Variants in NARF observed in about 807,000 individuals in gnomAD.
The protein encoded by NARF is nuclear prelamin A recognition factor.
A neutral mutation model predicts 48.0 loss-of-function variants in NARF; 41 were observed. The ratio of observed to expected loss-of-function variants is 0.85; its 90% CI spans 0.66 to 1.11. The LOEUF (loss-of-function observed/expected upper bound fraction) is 1.11, where lower values mean the gene tolerates loss of function less well. NARF is among the 50% of genes least tolerant of loss of function. The pLI is 0.00. For synonymous variants in NARF, 215 were observed against 225.5 expected, an observed-to-expected ratio of 0.95 and a Z score of 0.42; for missense variants, 613 against 590.2, an observed-to-expected ratio of 1.04 and a Z score of -0.40.
At chr17:82,468,267 C>T (rs978121783) in intron 3 of NARF, among the ~76,000 whole-genome samples, 7 of 150,568 alleles carry the variant, frequency 4.6e-5, no homozygotes, top group East Asian at 3.9e-4. Context: ...GCTGAGATCG[C>T]GCCACTGTAC....
intron 5 of NARF, chr17:82,478,476 T>A (rs556339137): frequency 7.7e-4 from 345 of 446,234 alleles, no homozygotes; most frequent in Non-Finnish European, 1.1e-3. Context: ...CGGTGCAGCC[T>A]GGGCCGCTGC....
intron 8 of NARF, chr17:82,484,103 T>G: frequency 4.0e-6 from 1 of 247,412 alleles, no homozygotes; most frequent in Non-Finnish European, 7.9e-6. Flanking sequence ...AGCCCCCTTC[T>G]TCCTGAGTGC....
upstream of NARF, chr17:82,458,535 C>A: frequency 2.4e-6 from 1 of 408,260 alleles, no homozygotes; most frequent in Non-Finnish European, 4.3e-6. Flanking sequence ...TGCGGTCCGC[C>A]CCGCGCGCTC....
intron 10 of NARF, among the ~76,000 whole-genome samples, chr17:82,487,144 GT>G (rs1376595234): frequency 2.0e-5 from 3 of 152,330 alleles, no homozygotes; most frequent in Admixed American, 6.5e-5. Flanking sequence ...GGCAACTTAG[GT>G]TTTAGGTAAA....
chr17:82,473,661 G>A (rs979813935), intron 5 of NARF, among the ~76,000 whole-genome samples: 1 of 151,624 alleles, frequency 6.6e-6, no homozygotes, highest in Non-Finnish European at 1.5e-5. Context: ...AGGTTCAAGC[G>A]ATTCTTATGC....
At position 82,468,766 on chromosome 17, in the gene NARF, A is replaced by G. The variant is rs776999061; in HGVS notation, c.255A>G (p.Lys85=). ...DFFRVLNLNK[K]CDTSKHKVLV... ...ACATTCTCTATTTCTCCTTCTAGAA[A>G]TGTGATACCTCAAAGCACAAAGTGC... The change falls in exon 4 of 11, where the codon AAA becomes AAG. Residue 85 remains lysine, a splice_region_variant and synonymous_variant. Transcript: ENST00000309794. 1.2e-6 allele frequency: 2 copies of G among 1,613,430 alleles called. No individual in the cohort carries two copies. Among genetic ancestry groups the G allele is most frequent in the South Asian group, 1.1e-5 (1 of 90,762 alleles).
intron 4 of NARF, among the ~76,000 whole-genome samples, chr17:82,472,027 G>A (rs1599834181): frequency 6.6e-6 from 1 of 152,096 alleles, no homozygotes; most frequent in Non-Finnish European, 1.5e-5. Flanking sequence ...AATCATACAC[G>A]CTCATTGTTT....
chr17:82,481,061 A>G lies in NARF; in HGVS notation c.640-21A>G, dbSNP rs769203083. On this transcript the variant is annotated intron_variant, in intron 6 of 10. Coordinates refer to ENST00000309794, the MANE Select transcript of NARF (RefSeq NM_012336.4). Reference sequence around the variant, plus strand: ...CGTCACCTCTTCACCAGCCCTAAATATGGGTGCCCCTCTCCCACAGAACCT... The same window carrying G: ...CGTCACCTCTTCACCAGCCCTAAATGTGGGTGCCCCTCTCCCACAGAACCT... The G allele has an allele frequency of 3.7e-6, 6 of 1,613,432 alleles. No homozygotes were observed. In the African/African-American group the frequency reaches 6.7e-5, roughly 18 times the overall value.
intron 10 of NARF, among the ~76,000 whole-genome samples, chr17:82,486,276 C>T (rs2044093414): frequency 6.6e-6 from 1 of 152,178 alleles, no homozygotes; most frequent in Non-Finnish European, 1.5e-5. Flanking sequence ...CCCTCTGCCC[C>T]TGACCCATGG....
chr17:82,479,003 G>C, intron 6 of NARF, 85 bp downstream of exon 6: 1 of 1,299,560 alleles, frequency 7.7e-7, no homozygotes, highest in Non-Finnish European at 1.1e-6. Flanking sequence ...TTCCCCATCT[G>C]TCCAGCGTGG....
chr17:82,484,732 C>T, intron 8 of NARF, 81 bp from the exon 9 acceptor site: 1 of 1,467,310 alleles, frequency 6.8e-7, no homozygotes, highest in South Asian at 1.4e-5. Context: ...GATTGTGATG[C>T]CCTCAGGAAG....
chr17:82,483,890 C>T (rs1567945845), intron 8 of NARF, 111 bp downstream of exon 8: 1 of 946,424 alleles, frequency 1.1e-6, no homozygotes, highest in Non-Finnish European at 1.6e-6. Context: ...CCATGTGAAG[C>T]ACTGCGATGC....
At chr17:82,487,788 C>CCAAATAA in intron 10 of NARF, 128 bp from the exon 11 acceptor site, 1 of 759,778 alleles carries the variant, frequency 1.3e-6, no homozygotes, top group East Asian at 3.4e-5. Context: ...CCCTCCCGCC[C>CCAAATAA]AATCTCTACA....
At position 82,479,046 on chromosome 17, in the gene NARF, G is replaced by A. The variant is rs571156045; in HGVS notation, c.639+128G>A. On this transcript the variant is annotated intron_variant, in intron 6 of 10. Transcript: ENST00000309794. ...CCCCCAGGTGAGCAAAAAGGAAGCTGTGGCTTCAGGAAACATCAGCAGTGC... is the reference window on the plus strand; with the variant it reads ...CCCCCAGGTGAGCAAAAAGGAAGCTATGGCTTCAGGAAACATCAGCAGTGC... The A allele has an allele frequency of 2.9e-5, 22 of 766,574 alleles. 1 individual carries two copies. The South Asian group carries it at 3.4e-4, about 12-fold the overall frequency. The allele number at this position is 766,574 out of a possible 1,614,324, so 47.5% of individuals were successfully genotyped here.
chr17:82,458,923 C>G, intron 1 of NARF, 93 bp downstream of exon 1: 1 of 1,249,706 alleles, frequency 8.0e-7, no homozygotes, highest in Non-Finnish European at 1.0e-6. Flanking sequence ...GCCGCTCGCT[C>G]GCTTCAGGGC....
rs140893814 is a variant in NARF at position 82,483,771 on chromosome 17, C to G, written c.825C>G (p.Val275=). Residue 275 remains valine, a synonymous_variant, in exon 8 of 11, where the codon GTC becomes GTG. Coordinates refer to ENST00000309794, the MANE Select transcript of NARF (RefSeq NM_012336.4). ...QGDLSVRDAA[V]DTLFGDLKED... ...ACCTCTCAGTGAGAGATGCTGCCGT[C>G]GACACTCTGTAAGTGGCTTCTCTGG... 2.5e-6 allele frequency: 4 copies of G among 1,613,456 alleles called. No homozygotes were observed. The highest frequency in any genetic ancestry group is 3.4e-6 in the Non-Finnish European group (4 of 1,179,938).
At chr17:82,482,961 A>G (rs2044007608) in intron 7 of NARF, among the ~76,000 whole-genome samples, 1 of 151,374 alleles carries the variant, frequency 6.6e-6, no homozygotes, top group Non-Finnish European at 1.5e-5. Context: ...CACCAGGCTA[A>G]TTTTTGTGTT....
intron 4 of NARF, among the ~76,000 whole-genome samples, chr17:82,471,544 G>A (rs1304069951): frequency 1.3e-5 from 2 of 150,006 alleles, no homozygotes; most frequent in African/African-American, 2.5e-5. Flanking sequence ...TGTAATCCCA[G>A]CACTTTGGGA....
At chr17:82,483,406 C>A in intron 7 of NARF, 1 of 341,396 alleles carries the variant, frequency 2.9e-6, no homozygotes, top group Non-Finnish European at 5.6e-6. Flanking sequence ...TTGTTTCATG[C>A]AAAGTAGGCC....
Sources: gnomAD v4.1 joint callset for allele counts (sites outside exome capture counted in the v4.1 genomes callset) on GRCh38, gnomAD v4.1.1 for gene constraint, MANE v1.5 for transcripts, NCBI Gene and HGNC (gene_info 2026-07-23, HGNC 2026-07-21) for gene names.